Variants in TCF7L1 observed in about 807,000 individuals in gnomAD.
The protein encoded by TCF7L1 is transcription factor 7 like 1.
A neutral mutation model predicts 63.7 loss-of-function variants in TCF7L1; 18 were observed. That is an observed-to-expected ratio of 0.28 (90% CI 0.20 to 0.42). The LOEUF is 0.42. Among genes scored for constraint, TCF7L1 ranks in the 10% least tolerant of loss-of-function variants. The pLI is 1.00. For synonymous variants in TCF7L1, 355 were observed against 340.9 expected, an observed-to-expected ratio of 1.04 and a Z score of -0.46; for missense variants, 654 against 779.3, an observed-to-expected ratio of 0.84 and a Z score of 1.91.
intron 3 of TCF7L1, among the ~76,000 whole-genome samples, chr2:85,270,967 G>T (rs1186242460): frequency 6.6e-6 from 1 of 152,102 alleles, no homozygotes; most frequent in Admixed American, 6.5e-5. Context: ...AAAATGCTGC[G>T]ATTACAAGTG....
chr2:85,242,354 A>T (rs1049126803), intron 3 of TCF7L1, among the ~76,000 whole-genome samples: 11 of 152,230 alleles, frequency 7.2e-5, no homozygotes, highest in Admixed American at 4.6e-4. Flanking sequence ...CCATTTGTGA[A>T]CATGTCGCGC....
intron 3 of TCF7L1, among the ~76,000 whole-genome samples, chr2:85,173,771 C>T (rs1678607950): frequency 6.7e-6 from 1 of 150,104 alleles, no homozygotes; most frequent in Non-Finnish European, 1.5e-5. Flanking sequence ...GAGTCTGTCT[C>T]TGTTGCCTAG....
chr2:85,200,114 C>T (rs1157942482), intron 3 of TCF7L1, among the ~76,000 whole-genome samples: 1 of 152,186 alleles, frequency 6.6e-6, no homozygotes, highest in Non-Finnish European at 1.5e-5. Context: ...AATATCCCAT[C>T]GTGTGGATAT....
intron 3 of TCF7L1, among the ~76,000 whole-genome samples, chr2:85,232,059 G>T (rs1243232305): frequency 1.3e-5 from 2 of 152,194 alleles, no homozygotes; most frequent in East Asian, 3.9e-4. Context: ...ACCGTTGAGA[G>T]TCCAGATCTT....
chr2:85,295,775 CTTTTTT>C (rs56373561), intron 4 of TCF7L1, among the ~76,000 whole-genome samples: 3 of 100,882 alleles, frequency 3.0e-5, no homozygotes, highest in African/African-American at 1.2e-4. Context: ...GTAACATTTA[CTTTTTT>C]TTTTTTTTTT....
At chr2:85,245,951 C>A (rs1304013502) in intron 3 of TCF7L1, among the ~76,000 whole-genome samples, 2 of 152,140 alleles carry the variant, frequency 1.3e-5, no homozygotes, top group Non-Finnish European at 2.9e-5. Context: ...TTTGGTCACC[C>A]GGTGACTGAC....
At chr2:85,252,121 G>C (rs185673325) in intron 3 of TCF7L1, among the ~76,000 whole-genome samples, 1 of 152,140 alleles carries the variant, frequency 6.6e-6, no homozygotes, top group African/African-American at 2.4e-5. Context: ...TGCTGTGTGT[G>C]CATTGGGTGG....
intron 3 of TCF7L1, among the ~76,000 whole-genome samples, chr2:85,194,881 C>CA (rs1038848790): frequency 3.3e-5 from 5 of 152,178 alleles, no homozygotes; most frequent in Non-Finnish European, 5.9e-5. Flanking sequence ...TTAATCACCA[C>CA]AAAAATACTG....
At position 85,242,856 on chromosome 2, in the gene TCF7L1, C is replaced by G. The variant is rs149340976; in HGVS notation, c.442-40639C>G. 2.1e-3 allele frequency among the ~76,000 whole-genome samples: 317 copies of G among 152,274 alleles called. 2 individuals are homozygous for G. The highest frequency in any genetic ancestry group is 7.4e-3 in the African/African-American group (307 of 41,534). On this transcript the variant is annotated intron_variant, in intron 3 of 11. Transcript: ENST00000282111. ...CTCCCTATTGAAGCAGATGTTTTAC[C>G]TCAGCCTTTCCTAGTACACTGTACT...
intron 3 of TCF7L1, among the ~76,000 whole-genome samples, chr2:85,265,831 A>G (rs1362659951): frequency 2.6e-5 from 4 of 151,652 alleles, no homozygotes; most frequent in Non-Finnish European, 4.4e-5. Context: ...CCCATTGCAT[A>G]TATTTGCATT....
Position 85,277,372 on chromosome 2 carries a change from A to G in TCF7L1, c.442-6123A>G, listed in dbSNP as rs111654986. Among the ~76,000 whole-genome samples the G allele has an allele frequency of 4.6e-3, 706 of 152,240 alleles. 4 individuals carry two copies. The highest frequency in any genetic ancestry group is 0.016 in the African/African-American group (663 of 41,548). ...TAAGAGGACAAGGAGAGCATTTTGA[A>G]TAATGTTATTGTCACTGTGGTGGGA... On this transcript the variant is annotated intron_variant, in intron 3 of 11. Transcript: ENST00000282111.
chr2:85,251,614 G>T (rs1362305975), intron 3 of TCF7L1, among the ~76,000 whole-genome samples: 2 of 152,162 alleles, frequency 1.3e-5, no homozygotes, highest in African/African-American at 4.8e-5. Flanking sequence ...AGAGCTGAAG[G>T]AGAGAGACCA....
intron 3 of TCF7L1, among the ~76,000 whole-genome samples, chr2:85,210,977 A>G (rs1283702914): frequency 9.9e-5 from 15 of 152,214 alleles, no homozygotes. Context: ...GCCTCCCGTC[A>G]CACAGCAAGA....
chr2:85,259,880 C>T (rs1199517363), intron 3 of TCF7L1, among the ~76,000 whole-genome samples: 1 of 152,056 alleles, frequency 6.6e-6, no homozygotes, highest in Non-Finnish European at 1.5e-5. Context: ...CTGGCTGGAC[C>T]CTGCAGAAGC....
At chr2:85,282,889 A>G (rs1681453572) in intron 3 of TCF7L1, among the ~76,000 whole-genome samples, 1 of 150,930 alleles carries the variant, frequency 6.6e-6, no homozygotes, top group African/African-American at 2.4e-5. Context: ...GACATGAGAA[A>G]GAATGGGGTG....
At chr2:85,274,578 C>T (rs1272900642) in intron 3 of TCF7L1, among the ~76,000 whole-genome samples, 1 of 152,188 alleles carries the variant, frequency 6.6e-6, no homozygotes, top group East Asian at 1.9e-4. Context: ...CTCTTGCCCA[C>T]GGTCATTGGT....
At chr2:85,206,049 A>G (rs1679402167) in intron 3 of TCF7L1, among the ~76,000 whole-genome samples, 1 of 152,202 alleles carries the variant, frequency 6.6e-6, no homozygotes. Flanking sequence ...TTGCTGACAA[A>G]GTTCCAAGTG....
intron 3 of TCF7L1, among the ~76,000 whole-genome samples, chr2:85,174,523 G>A (rs562842923): frequency 5.1e-4 from 78 of 152,068 alleles, no homozygotes; most frequent in Non-Finnish European, 9.0e-4. Flanking sequence ...CTCAGCAATG[G>A]TACATGCATC....
At chr2:85,183,189 C>G (rs1480074097) in intron 3 of TCF7L1, among the ~76,000 whole-genome samples, 1 of 152,130 alleles carries the variant, frequency 6.6e-6, no homozygotes, top group Admixed American at 6.5e-5. Flanking sequence ...GCCTGAAATA[C>G]TAGATATCAA....
Sources: gnomAD v4.1 joint callset for allele counts (sites outside exome capture counted in the v4.1 genomes callset) on GRCh38, gnomAD v4.1.1 for gene constraint, MANE v1.5 for transcripts, NCBI Gene and HGNC (gene_info 2026-07-23, HGNC 2026-07-21) for gene names.